The following SNAP91 variants were observed in gnomAD, a reference collection of about 807,000 sequenced individuals.
The protein encoded by SNAP91 is synaptosome associated protein 91.
A neutral mutation model predicts 100.3 loss-of-function variants in SNAP91; 27 were observed. The ratio of observed to expected loss-of-function variants is 0.27; its 90% CI spans 0.20 to 0.37. The LOEUF (loss-of-function observed/expected upper bound fraction) is 0.37. SNAP91 is among the 10% of genes least tolerant of loss of function. The probability of loss-of-function intolerance (pLI) is 1.00; values close to 1 mark genes in which losing one functional copy is unlikely to be tolerated. For synonymous variants in SNAP91, 404 were observed against 398.6 expected (o/e 1.01, Z -0.16); for missense variants, 986 against 1,123.7 (o/e 0.88, Z 1.75).
chr6:83,599,084 T>C (rs978444368), intron 16 of SNAP91, among the ~76,000 whole-genome samples: 1 of 152,198 alleles, frequency 6.6e-6, no homozygotes, highest in Admixed American at 6.5e-5. Context: ...TACTCATCCT[T>C]TAAGCTTATA....
chr6:83,577,591 G>A (rs1041471483), intron 24 of SNAP91, among the ~76,000 whole-genome samples: 1 of 152,158 alleles, frequency 6.6e-6, no homozygotes, highest in Non-Finnish European at 1.5e-5. Context: ...GGTGTCCTGG[G>A]AAGAAGGCTC....
chr6:83,652,168 A>C (rs992537153), intron 7 of SNAP91, among the ~76,000 whole-genome samples: 2 of 152,106 alleles, frequency 1.3e-5, no homozygotes, highest in African/African-American at 2.4e-5. Flanking sequence ...TCTCTGTCTT[A>C]ATTGATGCAT....
chr6:83,667,305 T>A (rs1179887614), intron 2 of SNAP91, among the ~76,000 whole-genome samples: 1 of 151,556 alleles, frequency 6.6e-6, no homozygotes, highest in East Asian at 1.9e-4. Context: ...TTCACAATTT[T>A]CTGAAAAGGT....
intron 16 of SNAP91, among the ~76,000 whole-genome samples, chr6:83,600,790 C>CT (rs1366561535): frequency 6.6e-6 from 1 of 152,230 alleles, no homozygotes; most frequent in Non-Finnish European, 1.5e-5. Context: ...CCTTAACTCT[C>CT]TTCAAAGGCT....
chr6:83,641,131 T>G lies in SNAP91; in HGVS notation c.730A>C (p.Met244Leu). ...TTGAGAAATTCAGACACTCGTGTCA[T>G]TCTAGTTAGAAATCGTTTGTAAATT... ...LEIYKRFLTR[M>L]TRVSEFLKVA... Residue 244 changes from methionine to leucine, a missense_variant, in exon 8 of 30, where the codon ATG becomes CTG. Transcript: ENST00000369694. 1 of 1,549,166 alleles carries G rather than the reference T, an allele frequency of 6.5e-7. No individual in the cohort carries two copies. The highest frequency in any genetic ancestry group is 8.7e-7 in the Non-Finnish European group (1 of 1,150,188).
chr6:83,621,972 A>G (rs1397400049), intron 9 of SNAP91, among the ~76,000 whole-genome samples: 1 of 152,118 alleles, frequency 6.6e-6, no homozygotes, highest in Non-Finnish European at 1.5e-5. Context: ...ATTAGTTTAA[A>G]TGAAAACACA....
intron 8 of SNAP91, among the ~76,000 whole-genome samples, chr6:83,633,956 T>TG (rs1479293022): frequency 9.3e-6 from 1 of 107,020 alleles, no homozygotes; most frequent in East Asian, 3.3e-4. Flanking sequence ...CTGTTGTGGG[T>TG]GGGGGGAGGG....
chr6:83,706,449 T>C (rs149327062), intron 2 of SNAP91, among the ~76,000 whole-genome samples: 94 of 152,362 alleles, frequency 6.2e-4, no homozygotes, highest in Admixed American at 1.7e-3. Flanking sequence ...CATATAATGC[T>C]GTAATCAATA....
chr6:83,594,220 T>C (rs1478486559), intron 17 of SNAP91, among the ~76,000 whole-genome samples, 154 bp downstream of exon 17: 1 of 152,260 alleles, frequency 6.6e-6, no homozygotes, highest in Admixed American at 6.5e-5. Context: ...ATTGTCTTAA[T>C]GTTTTAAATG....
chr6:83,647,084 T>C (rs1290941495), intron 7 of SNAP91, among the ~76,000 whole-genome samples: 2 of 151,884 alleles, frequency 1.3e-5, no homozygotes, highest in East Asian at 1.9e-4. Flanking sequence ...AGGAGTTTTT[T>C]TTTTTTGTCG....
chr6:83,662,164 C>A (rs1283949145), intron 4 of SNAP91, among the ~76,000 whole-genome samples, 183 bp downstream of exon 4: 2 of 151,976 alleles, frequency 1.3e-5, no homozygotes, highest in African/African-American at 4.8e-5. Context: ...CCAAAATAAA[C>A]TTAATATATA....
At chr6:83,614,462 T>C (rs1451131724) in intron 11 of SNAP91, among the ~76,000 whole-genome samples, 3 of 152,206 alleles carry the variant, frequency 2.0e-5, no homozygotes, top group African/African-American at 7.2e-5. Context: ...AGTTTTATAC[T>C]GTGACCAGAA....
At chr6:83,583,345 T>C (rs548321069) in intron 22 of SNAP91, among the ~76,000 whole-genome samples, 1 of 152,314 alleles carries the variant, frequency 6.6e-6, no homozygotes, top group South Asian at 2.1e-4. Flanking sequence ...TCATGTTTTT[T>C]CCACTAATAT....
chr6:83,668,735 G>A (rs139940746), intron 2 of SNAP91, among the ~76,000 whole-genome samples: 14 of 152,054 alleles, frequency 9.2e-5, no homozygotes, highest in Admixed American at 7.9e-4. Flanking sequence ...TGTAAGTGAC[G>A]AGTAATTTTT....
At chr6:83,707,343 C>G (rs1052762526) in intron 2 of SNAP91, among the ~76,000 whole-genome samples, 1 of 151,942 alleles carries the variant, frequency 6.6e-6, no homozygotes, top group Non-Finnish European at 1.5e-5. Context: ...TTAGAACTAT[C>G]TGAAATGTAT....
chr6:83,637,876 C>G (rs908379762), intron 8 of SNAP91, among the ~76,000 whole-genome samples: 1 of 152,202 alleles, frequency 6.6e-6, no homozygotes, highest in African/African-American at 2.4e-5. Context: ...GGAGTTGAAA[C>G]CAGGCCTGCA....
At chr6:83,572,987 T>A (rs966280844) in intron 26 of SNAP91, among the ~76,000 whole-genome samples, 1 of 152,200 alleles carries the variant, frequency 6.6e-6, no homozygotes, top group South Asian at 2.1e-4. Context: ...TACCTAAGAA[T>A]GGAGGGCAGC....
intron 16 of SNAP91, among the ~76,000 whole-genome samples, chr6:83,600,666 T>C (rs1406272447): frequency 1.3e-5 from 2 of 152,202 alleles, no homozygotes; most frequent in Admixed American, 6.5e-5. Context: ...TAAATCTGTT[T>C]TCAATCAGCC....
chr6:83,592,401 A>C (rs1489755449), intron 21 of SNAP91, 54 bp downstream of exon 21: 2 of 1,207,268 alleles, frequency 1.7e-6, no homozygotes, highest in Non-Finnish European at 2.3e-6. Flanking sequence ...AGATTTAAAA[A>C]TTATTCTGAA....
Sources: gnomAD v4.1 joint callset for allele counts (sites outside exome capture counted in the v4.1 genomes callset) on GRCh38, gnomAD v4.1.1 for gene constraint, MANE v1.5 for transcripts, NCBI Gene and HGNC (gene_info 2026-07-23, HGNC 2026-07-21) for gene names.